Variants in NOTCH3 observed in about 807,000 individuals in gnomAD.
NOTCH3 encodes neurogenic locus notch homolog protein 3.
NOTCH3 carries 86 observed loss-of-function variants against 213.3 expected under a neutral mutation model. The observed-to-expected ratio is 0.40, with a 90% CI of 0.34 to 0.48. The LOEUF (loss-of-function observed/expected upper bound fraction) is 0.48, where lower values mean the gene tolerates loss of function less well. NOTCH3 is among the 20% of genes least tolerant of loss of function. The probability of loss-of-function intolerance (pLI) is 0.57; values close to 1 mark genes in which losing one functional copy is unlikely to be tolerated. For synonymous variants in NOTCH3, 1,354 were observed against 1,355.9 expected (o/e 1.00, Z 0.03); for missense variants, 2,783 against 3,272.6 (o/e 0.85, Z 3.65).
At chr19:15,180,855 A>G (rs570459779) in intron 18 of NOTCH3, 27 bp from the exon 19 acceptor site, 2 of 1,611,490 alleles carry the variant, frequency 1.2e-6, no homozygotes, top group African/African-American at 2.7e-5. Context: ...CAGAGTCAGT[A>G]CTGTGGGGTG....
In NOTCH3 at chr19:15,179,378, G is replaced by A. The variant is rs866239291; in HGVS notation, c.3446C>T (p.Pro1149Leu). 6.2e-7 allele frequency: 1 copy of A among 1,613,970 alleles called. No homozygotes were observed. Among genetic ancestry groups the A allele is most frequent in the African/African-American group, 1.3e-5 (1 of 74,922 alleles). The change falls in exon 21 of 33, where the codon CCC (proline) becomes CTC (leucine). Residue 1149 changes from proline (P) to leucine (L), a missense_variant. Transcript: ENST00000263388. ...DLVARYLCSC[P>L]PGTLGVLCEI... Reference sequence around the variant, plus strand: ...CCCTGGCATACCCAGCGTTCCTGGGGGACAGGAGCAGAGATAGCGGGCCAC... The same window carrying A: ...CCCTGGCATACCCAGCGTTCCTGGGAGACAGGAGCAGAGATAGCGGGCCAC...
chr19:15,184,982 G>A lies in NOTCH3; in HGVS notation c.2334C>T (p.Asn778=), dbSNP rs1185382024. Residue 778 remains asparagine, a synonymous_variant, in exon 15 of 33, where the codon AAC becomes AAT. Transcript: ENST00000263388. ...CGCAGCGGCCCCCATGCTCACAGGGGTTCGGGGTGCAGGGGGAGAGGAGTT... is the reference window on the plus strand; with the variant it reads ...CGCAGCGGCCCCCATGCTCACAGGGATTCGGGGTGCAGGGGGAGAGGAGTT... ...QCELLSPCTP[N]PCEHGGRCES... 3 of 1,542,336 alleles carry A rather than the reference G, an allele frequency of 1.9e-6. No homozygotes were observed. The highest frequency in any genetic ancestry group is 2.6e-6 in the Non-Finnish European group (3 of 1,141,208).
At chr19:15,194,009 G>T (rs1349059277) in intron 2 of NOTCH3, among the ~76,000 whole-genome samples, 2 of 152,048 alleles carry the variant, frequency 1.3e-5, no homozygotes, top group African/African-American at 4.8e-5. Context: ...TTGAACCTGG[G>T]AGGCGGAGGT....
In NOTCH3 at chr19:15,189,109, C is replaced by T; in HGVS notation, c.1258G>A (p.Gly420Ser). 2 of 1,613,300 alleles carry T rather than the reference C, an allele frequency of 1.2e-6. No homozygotes were observed. Among genetic ancestry groups the T allele is most frequent in the Non-Finnish European group, 1.7e-6 (2 of 1,180,034 alleles). ...NTQGSFLCQC[G>S]RGYTGPRCET... The stretch of plus-strand genomic sequence containing the variant: ...CAGCGAGGTCCAGTGTAGCCACGAC[C>T]GCACTGGCACAGGAAGGAGCCCTGC... The change falls in exon 8 of 33, where the codon GGT (glycine) becomes AGT (serine). Residue 420 changes from glycine to serine, a missense_variant. By Grantham distance (56) the Gly-to-Ser change is moderately conservative (BLOSUM62 0). Coordinates refer to ENST00000263388, the MANE Select transcript of NOTCH3 (RefSeq NM_000435.3).
In NOTCH3 at chr19:15,192,310, A is replaced by G; in HGVS notation, c.341-12T>C. ...GGAGCAGTCAGGGCCTGGAGGGACC[A>G]GGACAGGGTGAGTTTAGGACTGACC... On this transcript the variant is annotated splice_polypyrimidine_tract_variant and intron_variant, in intron 3 of 32. Transcript: ENST00000263388. The G allele has an allele frequency of 6.2e-7, 1 of 1,610,232 alleles. No homozygotes were observed. The highest frequency in any genetic ancestry group is 8.5e-7 in the Non-Finnish European group (1 of 1,178,908).
chr19:15,166,633 T>A (rs541653896), intron 29 of NOTCH3, among the ~76,000 whole-genome samples: 2 of 152,310 alleles, frequency 1.3e-5, no homozygotes, highest in South Asian at 4.1e-4. Flanking sequence ...AAAATGAAGC[T>A]AAGGCAGGAA....
At position 15,185,404 on chromosome 19, in the gene NOTCH3, G is replaced by C. The variant is rs144163298; in HGVS notation, c.2149C>G (p.Arg717Gly). 2.5e-6 allele frequency: 4 copies of C among 1,612,022 alleles called. No homozygotes were observed. The highest frequency in any genetic ancestry group is 3.4e-6 in the Non-Finnish European group (4 of 1,179,376). The part of the protein sequence containing the change: ...GICYDAPGGF[R>G]CVCEPGWSGP... ...CTCCAGCCAGGCTCACACACACAGC[G>C]GAACCTGGCAGGGGAAGGTAGTCAG... Residue 717 changes from arginine to glycine, a missense_variant, in exon 14 of 33, where the codon CGC becomes GGC. Physicochemically the swap from Arg to Gly is moderately radical, Grantham distance 125. Coordinates refer to ENST00000263388, the MANE Select transcript of NOTCH3 (RefSeq NM_000435.3). This position sits in a 1 kb window ranked among gnomAD's most constrained non-coding sequence, Gnocchi z 4.2.
At chr19:15,186,780 G>A in intron 12 of NOTCH3, 98 bp downstream of exon 12, 1 of 961,520 alleles carries the variant, frequency 1.0e-6, no homozygotes, top group Non-Finnish European at 1.7e-6. Flanking sequence ...AACCTCGTTG[G>A]ACAAGAGTCT....
chr19:15,164,265 C>T (rs1009156493), intron 31 of NOTCH3, among the ~76,000 whole-genome samples: 4 of 151,894 alleles, frequency 2.6e-5, no homozygotes, highest in Admixed American at 6.6e-5. Flanking sequence ...AAAGGATGGA[C>T]TCAGTGGCTC....
intron 24 of NOTCH3, among the ~76,000 whole-genome samples, chr19:15,175,622 C>T (rs2145411590): frequency 6.8e-6 from 1 of 146,314 alleles, no homozygotes; most frequent in African/African-American, 2.5e-5. Context: ...CACGCACGCA[C>T]ACACATAGTG....
chr19:15,181,441 C>A (rs1300970924), intron 17 of NOTCH3, 135 bp downstream of exon 17: 5 of 758,244 alleles, frequency 6.6e-6, no homozygotes, highest in Admixed American at 2.4e-5. Context: ...CTGGCCCTGC[C>A]CCATCAGTCA....
chr19:15,180,881 G>T (rs978465737), intron 18 of NOTCH3, 53 bp from the exon 19 acceptor site: 215 of 1,604,550 alleles, frequency 1.3e-4, no homozygotes, highest in Non-Finnish European at 1.8e-4. Context: ...TAGTCTGGGA[G>T]AAACTGTGCC....
chr19:15,167,000 G>C (rs967097103), intron 29 of NOTCH3, among the ~76,000 whole-genome samples: 1 of 152,248 alleles, frequency 6.6e-6, no homozygotes, highest in African/African-American at 2.4e-5. Context: ...AAAGGGTAGA[G>C]AGGGGAAAAC....
rs764725017 is a variant in NOTCH3 at position 15,174,190 on chromosome 19, G to A, written c.4614C>T (p.Ile1538=). The change falls in exon 25 of 33, where the codon ATC becomes ATT. Residue 1538 remains isoleucine (I), a synonymous_variant. Coordinates refer to ENST00000263388, the MANE Select transcript of NOTCH3 (RefSeq NM_000435.3). ...SADFLQRLSA[I]LRTSLRFRLD... ...GGCGGAAGCGCAGCGAGGTGCGCAG[G>A]ATGGCGCTGAGCCGCTGCAGAAAGT... The A allele has an allele frequency of 1.2e-6, 2 of 1,608,498 alleles. No individual in the cohort carries two copies. Among genetic ancestry groups the A allele is most frequent in the Middle Eastern group, 1.8e-4 (1 of 5,470 alleles).
In NOTCH3 at chr19:15,181,707, A is replaced by C. The variant is rs1330983880; in HGVS notation, c.2661T>G (p.Asp887Glu). 1 of 1,567,012 alleles carries C rather than the reference A, an allele frequency of 6.4e-7. No homozygotes were observed. Among genetic ancestry groups the C allele is most frequent in the Non-Finnish European group, 8.7e-7 (1 of 1,155,458 alleles). The change falls in exon 17 of 33, where the codon GAT becomes GAG. Residue 887 changes from aspartate (D) to glutamate (E), a missense_variant. Asp to Glu is a conservative substitution (Grantham distance 45). Around this residue, in one of 6 missense-constraint regions of NOTCH3, gnomAD observed 861 missense variants for 909.1 expected, o/e 0.95. Coordinates refer to ENST00000263388, the MANE Select transcript of NOTCH3 (RefSeq NM_000435.3). ...AGGGGTTGCTCAGGCACTCATCCACATCGCGGGCGCATCGTGGGCCGGCGA... is the reference window on the plus strand; with the variant it reads ...AGGGGTTGCTCAGGCACTCATCCACCTCGCGGGCGCATCGTGGGCCGGCGA... ...PGFAGPRCAR[D>E]VDECLSNPCG...
chr19:15,195,697 C>A (rs894776875), intron 2 of NOTCH3, among the ~76,000 whole-genome samples: 106 of 151,926 alleles, frequency 7.0e-4, no homozygotes, highest in African/African-American at 2.4e-3. Context: ...CGCAGGGCGA[C>A]CACTGCGGCC....
chr19:15,184,329 A>G lies in NOTCH3; in HGVS notation c.2532T>C (p.Pro844=), dbSNP rs2046864027. ...AGTCATTGATGTCCTGATCGCAGGAAGGGCCAGTGTACCCTCCATGGCAGG... is the reference window on the plus strand; with the variant it reads ...AGTCATTGATGTCCTGATCGCAGGAGGGGCCAGTGTACCCTCCATGGCAGG... ...SCTCHGGYTG[P]SCDQDINDCD... is the part of the protein sequence containing the mutation. Residue 844 remains proline (P), a synonymous_variant, in exon 16 of 33, where the codon CCT becomes CCC. Transcript: ENST00000263388. 1.2e-6 allele frequency: 2 copies of G among 1,613,896 alleles called. No individual in the cohort carries two copies. Among genetic ancestry groups the G allele is most frequent in the Non-Finnish European group, 1.7e-6 (2 of 1,179,998 alleles).
chr19:15,170,624 G>GGCCC, intron 26 of NOTCH3, 47 bp downstream of exon 26: 1 of 1,546,344 alleles, frequency 6.5e-7, no homozygotes, highest in Non-Finnish European at 8.7e-7. Context: ...GGCTTCGGCC[G>GGCCC]CCCCCAGCTC....
In NOTCH3 at chr19:15,185,062, G is replaced by T. The variant is rs1243214853; in HGVS notation, c.2297-43C>A. The T allele has an allele frequency of 7.7e-6, 10 of 1,292,780 alleles. No individual in the cohort carries two copies. Among genetic ancestry groups the T allele is most frequent in the South Asian group, 4.2e-5 (3 of 70,626 alleles). 80.1% of individuals were successfully genotyped at this position (1,292,780 alleles called of 1,614,324 possible). The stretch of plus-strand genomic sequence containing the variant: ...GAGGGAAGCAGAGATAGCCTTGAGG[G>T]ACTCCCTGATCCCATCTCCCCCCAC... On this transcript the variant is annotated intron_variant, in intron 14 of 32. Coordinates refer to ENST00000263388, the MANE Select transcript of NOTCH3 (RefSeq NM_000435.3). This position sits in a 1 kb window ranked among gnomAD's most constrained non-coding sequence, Gnocchi z 4.2.
Sources: gnomAD v4.1 joint callset for allele counts (sites outside exome capture counted in the v4.1 genomes callset) on GRCh38, gnomAD v4.1.1 for gene constraint, gnomAD v4.1.1 regional missense constraint, Gnocchi (gnomAD v3.1) non-coding constraint, MANE v1.5 for transcripts, NCBI Gene and HGNC (gene_info 2026-07-23, HGNC 2026-07-21) for gene names.